Variants in ROBO2 observed in about 807,000 individuals in gnomAD.
ROBO2 encodes the protein roundabout homolog 2.
In ROBO2, 53 loss-of-function variants were observed where a neutral mutation model predicts 160.8. That is an observed-to-expected ratio of 0.33 (90% CI 0.26 to 0.41). The LOEUF (loss-of-function observed/expected upper bound fraction) is 0.41, where lower values mean the gene tolerates loss of function less well. Among genes scored for constraint, ROBO2 ranks in the 10% least tolerant of loss-of-function variants. The probability of loss-of-function intolerance (pLI) is 1.00; values close to 1 mark genes in which losing one functional copy is unlikely to be tolerated. For synonymous variants in ROBO2, 664 were observed against 611.7 expected (o/e 1.09, Z -1.26); for missense variants, 1,577 against 1,722.4 (o/e 0.92, Z 1.49).
intron 2 of ROBO2, among the ~76,000 whole-genome samples, chr3:76,036,211 G>A (rs1010862279): frequency 9.2e-5 from 14 of 151,918 alleles, no homozygotes; most frequent in Admixed American, 7.2e-4. Context: ...GTGCAGTGGA[G>A]TGATCTCAGC....
At chr3:77,318,857 A>G (rs2064351314) in intron 2 of ROBO2, among the ~76,000 whole-genome samples, 1 of 152,174 alleles carries the variant, frequency 6.6e-6, no homozygotes, top group Non-Finnish European at 1.5e-5. Context: ...ATATAAATCG[A>G]TGTCAAGGTA....
chr3:76,467,725 A>G (rs1678086154), intron 2 of ROBO2, among the ~76,000 whole-genome samples: 1 of 127,788 alleles, frequency 7.8e-6, no homozygotes, highest in Non-Finnish European at 1.9e-5. Flanking sequence ...AAAGCAGAAC[A>G]ACCTTTTTAG....
At chr3:77,062,298 G>C (rs571670443) in intron 1 of ROBO2, among the ~76,000 whole-genome samples, 3 of 152,190 alleles carry the variant, frequency 2.0e-5, no homozygotes, top group African/African-American at 7.2e-5. Context: ...TTTCCTACCA[G>C]AGGTGTTTAA....
intron 2 of ROBO2, among the ~76,000 whole-genome samples, chr3:76,561,816 C>T (rs1378454221): frequency 6.6e-6 from 1 of 152,152 alleles, no homozygotes; most frequent in Non-Finnish European, 1.5e-5. Flanking sequence ...CTCTTACACT[C>T]CCTCTCATAA....
intron 2 of ROBO2, among the ~76,000 whole-genome samples, chr3:76,339,283 A>G (rs917757612): frequency 1.3e-5 from 2 of 152,148 alleles, no homozygotes; most frequent in African/African-American, 4.8e-5. Flanking sequence ...TTCCTAGGCA[A>G]TAGATTAGAT....
At chr3:75,994,801 GAT>G (rs1277029106) in intron 2 of ROBO2, among the ~76,000 whole-genome samples, 10 of 152,188 alleles carry the variant, frequency 6.6e-5, no homozygotes, top group Non-Finnish European at 1.3e-4. Context: ...GAAGATATGA[GAT>G]AGCTTGGAAC....
At chr3:77,398,374 TGCCA>T (rs1283180335) in intron 2 of ROBO2, among the ~76,000 whole-genome samples, 4 of 149,286 alleles carry the variant, frequency 2.7e-5, no homozygotes, top group African/African-American at 1.0e-4. Flanking sequence ...TTATTAACTT[TGCCA>T]GTGATATTGT....
chr3:76,607,434 C>T (rs1354914460), intron 2 of ROBO2, among the ~76,000 whole-genome samples: 1 of 152,118 alleles, frequency 6.6e-6, no homozygotes, highest in Admixed American at 6.5e-5. Context: ...TGGCAAATAC[C>T]TTGTCTTACA....
At chr3:75,980,974 A>C (rs72890328) in intron 2 of ROBO2, among the ~76,000 whole-genome samples, 3,612 of 151,714 alleles carry the variant, frequency 0.024, 145 homozygotes, top group African/African-American at 0.083. Context: ...TGAAGTATTC[A>C]AATAAAGTAT....
At chr3:76,475,134 G>A (rs1049922719) in intron 2 of ROBO2, among the ~76,000 whole-genome samples, 23 of 152,122 alleles carry the variant, frequency 1.5e-4, no homozygotes, top group African/African-American at 5.5e-4. Flanking sequence ...GGGGTAATAT[G>A]AGATGATAGT....
At chr3:77,263,507 T>G (rs2058913443) in intron 2 of ROBO2, among the ~76,000 whole-genome samples, 1 of 152,198 alleles carries the variant, frequency 6.6e-6, no homozygotes, top group African/African-American at 2.4e-5. Context: ...CATGTGGTAT[T>G]TGGTTTTCTG....
intron 1 of ROBO2, among the ~76,000 whole-genome samples, chr3:77,054,928 ATGTGTG>A (rs574557375): frequency 8.8e-6 from 1 of 113,078 alleles, no homozygotes; most frequent in African/African-American, 2.6e-5. Context: ...TCTCGCGTGT[ATGTGTG>A]TGTGTGTGTG....
In ROBO2 at chr3:76,226,698, A is replaced by G. The variant is rs1575985913; in HGVS notation, c.109+289096A>G. On this transcript the variant is annotated intron_variant, in intron 2 of 26. Coordinates refer to the ROBO2 transcript ENST00000487694. ...AATTAGTTACAATTATTTCTCCTTT[A>G]CTTTTTCTTATTTTTATTCAGTCAT... 2.0e-5 allele frequency among the ~76,000 whole-genome samples: 3 copies of G among 152,216 alleles called. No individual in the cohort carries two copies. The South Asian group carries it at 6.2e-4, about 32-fold the overall frequency.
At chr3:75,936,284 A>G (rs1395116707) in intron 1 of ROBO2, among the ~76,000 whole-genome samples, 2 of 152,188 alleles carry the variant, frequency 1.3e-5, no homozygotes, top group Non-Finnish European at 2.9e-5. Flanking sequence ...GGAGAAAGGG[A>G]GAAAGAAAAC....
At chr3:75,931,712 A>T (rs1947549377) in intron 1 of ROBO2, among the ~76,000 whole-genome samples, 2 of 152,082 alleles carry the variant, frequency 1.3e-5, no homozygotes, top group African/African-American at 2.4e-5. Context: ...CTGAATTAAG[A>T]TTATATCTGT....
chr3:77,363,850 G>A (rs1052880483), intron 2 of ROBO2, among the ~76,000 whole-genome samples: 11 of 152,038 alleles, frequency 7.2e-5, no homozygotes, highest in Non-Finnish European at 1.2e-4. Context: ...TGGAGAAGAC[G>A]AATTTTATTT....
rs978398235 is a variant in ROBO2, at chr3:77,634,757, C to T, written c.3761-113C>T. 1.8e-5 allele frequency: 18 copies of T among 987,864 alleles called. No individual in the cohort carries two copies. In the Admixed American group the frequency reaches 2.9e-4, roughly 16 times the overall value. 61.2% of individuals were successfully genotyped at this position (987,864 alleles called of 1,614,324 possible). ...GAGATGCACCAATATTTGGTATCTT[C>T]ATATGTTATCTCTAGGTAGATTTAC... is the stretch of plus-strand genomic sequence containing the variant. On this transcript the variant is annotated intron_variant, in intron 23 of 25. Transcript: ENST00000461745.
At chr3:76,397,414 G>A (rs902417839) in intron 2 of ROBO2, among the ~76,000 whole-genome samples, 4 of 152,078 alleles carry the variant, frequency 2.6e-5, no homozygotes, top group African/African-American at 9.7e-5. Flanking sequence ...ATAGGCATGG[G>A]CAAGGACTTC....
intron 5 of ROBO2, among the ~76,000 whole-genome samples, chr3:77,515,910 T>C (rs561370762): frequency 5.3e-4 from 80 of 151,776 alleles, no homozygotes; most frequent in African/African-American, 1.9e-3. Flanking sequence ...AATTCTTTAC[T>C]ATGTCTCAGA....
Sources: allele counts gnomAD v4.1 joint callset (sites outside exome capture counted in the v4.1 genomes callset), GRCh38; gene constraint gnomAD v4.1.1; transcripts MANE v1.5; gene names NCBI Gene and HGNC (gene_info 2026-07-23, HGNC 2026-07-21).